The following ME2 variants were observed in gnomAD, a reference collection of about 807,000 sequenced individuals.
ME2 encodes the protein NAD-dependent malic enzyme, mitochondrial.
ME2 carries 60 observed loss-of-function variants against 73.7 expected under a neutral mutation model. That is an observed-to-expected ratio of 0.81 (90% CI 0.66 to 1.01). ME2 has a LOEUF of 1.01. ME2 is among the 50% of genes least tolerant of loss of function. The pLI is 0.00. For missense variants in ME2, 594 were observed against 705.5 expected, an observed-to-expected ratio of 0.84 and a Z score of 1.79; for synonymous variants, 199 against 236.9, an observed-to-expected ratio of 0.84 and a Z score of 1.47.
At chr18:50,927,629 G>A (rs1053556400) in intron 12 of ME2, among the ~76,000 whole-genome samples, 7 of 149,622 alleles carry the variant, frequency 4.7e-5, no homozygotes, top group Admixed American at 1.3e-4. Context: ...GTGAACCCAC[G>A]AGGCGGAGCT....
At position 50,924,206 on chromosome 18, in the gene ME2, A is replaced by T. The variant is rs762395827; in HGVS notation, c.1165A>T (p.Ile389Leu). The T allele has an allele frequency of 1.3e-6, 2 of 1,598,956 alleles. No individual in the cohort carries two copies. The highest frequency in any genetic ancestry group is 2.2e-5 in the East Asian group (1 of 44,536). ...DAVNILKPST[I>L]IGVAGAGRLF... ...AGTGAATATACTGAAGCCTTCAACTATAATTGGTAGGTAAAGTTTTTCTGA... is the reference window on the plus strand; with the variant it reads ...AGTGAATATACTGAAGCCTTCAACTTTAATTGGTAGGTAAAGTTTTTCTGA... Residue 389 changes from isoleucine (I) to leucine (L), a missense_variant, in exon 11 of 16, where the codon ATA (isoleucine) becomes TTA (leucine). By Grantham distance (5) the Ile-to-Leu change is conservative (BLOSUM62 2). Coordinates refer to ENST00000321341, the MANE Select transcript of ME2 (RefSeq NM_002396.5).
At chr18:50,939,974 C>CA (rs1917909213) in intron 14 of ME2, 4 of 417,156 alleles carry the variant, frequency 9.6e-6, no homozygotes, top group Non-Finnish European at 1.7e-5. Context: ...ATGGGAGCTC[C>CA]AGACTTTGAA....
chr18:50,941,832 C>T (rs1348813770), intron 15 of ME2, among the ~76,000 whole-genome samples: 2 of 151,830 alleles, frequency 1.3e-5, no homozygotes, highest in East Asian at 3.9e-4. Context: ...TTTTTCCACA[C>T]TTTTTCCAAT....
intron 15 of ME2, among the ~76,000 whole-genome samples, chr18:50,942,132 C>A (rs908021917): frequency 3.3e-5 from 5 of 152,084 alleles, no homozygotes; most frequent in African/African-American, 4.8e-5. Flanking sequence ...TGTCTACTTG[C>A]ATTTTCTAAA....
At chr18:50,939,502 A>C in intron 13 of ME2, 68 bp from the exon 14 acceptor site, 1 of 1,082,066 alleles carries the variant, frequency 9.2e-7, no homozygotes, top group Non-Finnish European at 1.4e-6. Context: ...ATTTGCCTGA[A>C]TATAGGAATT....
chr18:50,935,004 C>G (rs1162344084), intron 13 of ME2: 4 of 152,118 alleles, frequency 2.6e-5, no homozygotes, highest in African/African-American at 9.7e-5. Context: ...GGCACCATGT[C>G]CGAGTCTGGC....
intron 2 of ME2, among the ~76,000 whole-genome samples, chr18:50,897,587 A>G (rs1320337191): frequency 6.6e-6 from 1 of 152,016 alleles, no homozygotes; most frequent in Non-Finnish European, 1.5e-5. Flanking sequence ...TAGGCCGGAC[A>G]TGGTGGCTTA....
rs1169814222 is a variant in ME2 at position 50,925,677 on chromosome 18, C to G, written c.1172-79C>G. 9.4e-6 allele frequency: 11 copies of G among 1,172,198 alleles called. No individual in the cohort carries two copies. The East Asian group carries it at 1.9e-4, about 20-fold the overall frequency. 72.6% of individuals were successfully genotyped at this position (1,172,198 alleles called of 1,614,324 possible). A position where few individuals can be genotyped will look rare whatever the true frequency, so the allele number is the denominator to read the frequency against. On this transcript the variant is annotated intron_variant, in intron 11 of 15. Coordinates refer to ENST00000321341, the MANE Select transcript of ME2 (RefSeq NM_002396.5). ...TACCTGTGTTTTTATTATTGTAGGC[C>G]TATTGTAGAAATGCTATTGATAAGC... is the stretch of plus-strand genomic sequence containing the variant.
At chr18:50,933,092 T>C (rs1917737209) in intron 13 of ME2, 1 of 152,244 alleles carries the variant, frequency 6.6e-6, no homozygotes, top group South Asian at 2.1e-4. Flanking sequence ...AGAATTGCTC[T>C]TTCTAAATAG....
intron 12 of ME2, among the ~76,000 whole-genome samples, chr18:50,930,793 C>G (rs1172254709): frequency 6.6e-6 from 1 of 152,130 alleles, no homozygotes; most frequent in African/African-American, 2.4e-5. Flanking sequence ...ACATGTATGA[C>G]ATTAACCATG....
In ME2 at chr18:50,887,558, G is replaced by T. The variant is rs527764374; in HGVS notation, c.-13+8250G>T. 2.0e-5 allele frequency among the ~76,000 whole-genome samples: 3 copies of T among 152,348 alleles called. No individual in the cohort carries two copies. In the South Asian group the frequency reaches 6.2e-4, roughly 32 times the overall value. On this transcript the variant is annotated intron_variant, in intron 1 of 15. Transcript: ENST00000321341. ...AAGACTGTATCCTCACTGAGGTTGA[G>T]ACGAGAATTAAACCATCCATCCCAC...
At chr18:50,946,908 AAAG>A in intron 15 of ME2, 106 bp from the exon 16 acceptor site, 7 of 792,256 alleles carry the variant, frequency 8.8e-6, no homozygotes, top group South Asian at 3.6e-5. Context: ...TACTGTGAAA[AAAG>A]AAGAATGCCA....
intron 14 of ME2, 136 bp downstream of exon 14, chr18:50,939,776 A>G (rs1402447149): frequency 1.8e-5 from 11 of 615,224 alleles, no homozygotes; most frequent in East Asian, 2.8e-5. Flanking sequence ...TACTTTTATG[A>G]TTTGCCTATT....
chr18:50,921,650 C>T (rs779892895), intron 10 of ME2, among the ~76,000 whole-genome samples: 7 of 152,102 alleles, frequency 4.6e-5, no homozygotes, highest in South Asian at 4.1e-4. Flanking sequence ...GATGTCACCT[C>T]GCTGCAACTT....
rs760908392 is a variant in ME2 at position 50,936,574 on chromosome 18, A to AT, written c.1418-2996_1418-2995insT. Among the ~76,000 whole-genome samples the AT allele has an allele frequency of 1.2e-4, 18 of 152,338 alleles. No individual in the cohort carries two copies. In the East Asian group the frequency reaches 3.1e-3, roughly 26 times the overall value. On this transcript the variant is annotated intron_variant, in intron 13 of 15. Transcript: ENST00000321341. ...AATGCACAACAACAATAGCTCCGTTAAATAGAGTTAAGCTGTTATGTGGGA... is the reference window on the plus strand; with the variant it reads ...AATGCACAACAACAATAGCTCCGTTATAATAGAGTTAAGCTGTTATGTGGGA...
chr18:50,947,343 AG>A lies in ME2; in HGVS notation c.*160del. ...CATGCGTCTCCACATCTGTTGGGGT[AG>A]ACGTGTTGATTGATTGCATTGCCCA... is the stretch of plus-strand genomic sequence containing the variant. On this transcript the variant is annotated 3_prime_UTR_variant, in exon 16 of 16. Coordinates refer to ENST00000321341, the MANE Select transcript of ME2 (RefSeq NM_002396.5). 3.1e-6 allele frequency: 2 copies of A among 654,872 alleles called. No homozygotes were observed. The highest frequency in any genetic ancestry group is 5.2e-6 in the Non-Finnish European group (2 of 386,932). The allele number at this position is 654,872 out of a possible 1,614,324, so 40.6% of individuals were successfully genotyped here.
At chr18:50,888,471 A>C (rs528256794) in intron 1 of ME2, among the ~76,000 whole-genome samples, 65 of 152,300 alleles carry the variant, frequency 4.3e-4, no homozygotes, top group African/African-American at 1.5e-3. Flanking sequence ...AGAGGCTGAA[A>C]ATTTTGGAAC....
chr18:50,888,637 A>T (rs909110701), intron 1 of ME2, among the ~76,000 whole-genome samples: 12 of 152,086 alleles, frequency 7.9e-5, no homozygotes, highest in African/African-American at 2.9e-4. Flanking sequence ...TATAATTGTG[A>T]TTCAAGGAAA....
At chr18:50,926,026 G>A in intron 12 of ME2, 128 bp downstream of exon 12, 1 of 623,560 alleles carries the variant, frequency 1.6e-6, no homozygotes, top group Non-Finnish European at 2.8e-6. Context: ...GGTGATCAAA[G>A]TCTGATATTA....
Sources: allele counts gnomAD v4.1 joint callset (sites outside exome capture counted in the v4.1 genomes callset), GRCh38; gene constraint gnomAD v4.1.1; transcripts MANE v1.5; gene names NCBI Gene and HGNC (gene_info 2026-07-23, HGNC 2026-07-21).